The following CABIN1 variants were observed in gnomAD, a reference collection of about 807,000 sequenced individuals.
CABIN1 encodes the protein calcineurin binding protein 1.
In CABIN1, 133 loss-of-function variants were observed where a neutral mutation model predicts 227.7. The observed-to-expected ratio is 0.58, with a 90% CI of 0.51 to 0.67. The LOEUF (loss-of-function observed/expected upper bound fraction) is 0.67, where lower values mean the gene tolerates loss of function less well. Among genes scored for constraint, CABIN1 ranks in the 30% least tolerant of loss-of-function variants. CABIN1 has a pLI of 0.00. For synonymous variants in CABIN1, 1,086 were observed against 1,155.1 expected (o/e 0.94, Z 1.21); for missense variants, 2,408 against 2,852.5 (o/e 0.84, Z 3.55).
intron 1 of CABIN1, among the ~76,000 whole-genome samples, chr22:24,020,938 CTG>C (rs2035678024): frequency 6.6e-6 from 1 of 151,896 alleles, no homozygotes; most frequent in African/African-American, 2.4e-5. Context: ...ATCATCTCCT[CTG>C]TTATGTTGTT....
At chr22:24,101,040 G>A (rs1464643423) in intron 26 of CABIN1, among the ~76,000 whole-genome samples, 1 of 152,204 alleles carries the variant, frequency 6.6e-6, no homozygotes, top group Non-Finnish European at 1.5e-5. Flanking sequence ...CACAAGAGGT[G>A]GAGGTAGTGT....
chr22:24,020,836 T>G (rs199839616), intron 1 of CABIN1, among the ~76,000 whole-genome samples: 14 of 137,028 alleles, frequency 1.0e-4, no homozygotes, highest in African/African-American at 2.8e-4. Context: ...TGAGCAGTTT[T>G]TGTGTGTGTG....
Position 24,049,093 on chromosome 22 carries a change from T to A in CABIN1, c.529T>A (p.Cys177Ser), listed in dbSNP as rs201352018. 1 of 1,613,986 alleles carries A rather than the reference T, an allele frequency of 6.2e-7. No individual in the cohort carries two copies. The highest frequency in any genetic ancestry group is 1.3e-5 in the African/African-American group (1 of 75,036). ...VLYTLSDYTT[C>S]LYFICKALEK... ...TAAACTGTCTCTTTCCCCGCCAGCA[T>A]GTCTGTACTTCATCTGCAAAGCTTT... The change falls in exon 7 of 37, where the codon TGT becomes AGT. Residue 177 changes from cysteine to serine, a missense_variant and splice_region_variant. Cys to Ser is a moderately radical substitution (Grantham distance 112). Around this residue, in one of 3 missense-constraint regions of CABIN1, gnomAD observed 1,045 missense variants for 1,168.4 expected, o/e 0.89. Transcript: ENST00000263119.
Position 24,063,166 on chromosome 22 carries a change from G to T in CABIN1, c.1884+20G>T. On this transcript the variant is annotated intron_variant, in intron 14 of 36. Coordinates refer to ENST00000263119, the MANE Select transcript of CABIN1 (RefSeq NM_012295.4). ...CTGCAGGTTAGTTCCATGGTCAGCTGCTTGGGGAGCATGCCCTGACACCCA... is the reference window on the plus strand; with the variant it reads ...CTGCAGGTTAGTTCCATGGTCAGCTTCTTGGGGAGCATGCCCTGACACCCA... 2 of 1,613,006 alleles carry T rather than the reference G, an allele frequency of 1.2e-6. No individual in the cohort carries two copies. The highest frequency in any genetic ancestry group is 1.7e-6 in the Non-Finnish European group (2 of 1,179,094).
intron 4 of CABIN1, among the ~76,000 whole-genome samples, chr22:24,039,385 T>C (rs1601729933): frequency 6.6e-6 from 1 of 152,190 alleles, no homozygotes; most frequent in South Asian, 2.1e-4. Flanking sequence ...CTGTTCCTTC[T>C]CTCACCCACG....
chr22:24,081,269 C>T (rs2040788566), intron 19 of CABIN1, among the ~76,000 whole-genome samples: 1 of 152,108 alleles, frequency 6.6e-6, no homozygotes, highest in African/African-American at 2.4e-5. Context: ...TGGTTTGCCA[C>T]CTGTGGTCTA....
chr22:24,093,929 C>T (rs980915159), intron 24 of CABIN1, among the ~76,000 whole-genome samples: 1 of 152,144 alleles, frequency 6.6e-6, no homozygotes, highest in African/African-American at 2.4e-5. Context: ...TCACTGGGCT[C>T]ATGGAGAAGT....
Position 24,084,714 on chromosome 22 carries a change from G to A in CABIN1, c.3046G>A (p.Val1016Met). 1 of 1,614,180 alleles carries A rather than the reference G, an allele frequency of 6.2e-7. No homozygotes were observed. The highest frequency in any genetic ancestry group is 8.5e-7 in the Non-Finnish European group (1 of 1,180,044). The change falls in exon 21 of 37, where the codon GTG (valine) becomes ATG (methionine). Residue 1016 changes from valine (V) to methionine (M), a missense_variant. Physicochemically the swap from Val to Met is conservative, Grantham distance 21. Coordinates refer to ENST00000263119, the MANE Select transcript of CABIN1 (RefSeq NM_012295.4). Reference sequence around the variant, plus strand: ...CCTACTGAAGAGAATTGCCACCATTGTGCCTCGCACAGAGAGGCCAGCCCT... The same window carrying A: ...CCTACTGAAGAGAATTGCCACCATTATGCCTCGCACAGAGAGGCCAGCCCT... ...ANLLKRIATI[V>M]PRTERPALSL...
intron 29 of CABIN1, among the ~76,000 whole-genome samples, chr22:24,145,011 TG>T (rs2045015975): frequency 6.6e-6 from 1 of 152,184 alleles, no homozygotes; most frequent in Non-Finnish European, 1.5e-5. Context: ...AGGACATGCC[TG>T]TGAAGGACAG....
At chr22:24,160,746 A>G (rs1011510369) in intron 29 of CABIN1, among the ~76,000 whole-genome samples, 5 of 152,240 alleles carry the variant, frequency 3.3e-5, no homozygotes, top group African/African-American at 4.8e-5. Flanking sequence ...GCAGTGTTCT[A>G]TAACTTCAGG....
chr22:24,031,155 A>G (rs1375788107), intron 1 of CABIN1, among the ~76,000 whole-genome samples: 1 of 152,154 alleles, frequency 6.6e-6, no homozygotes, highest in Non-Finnish European at 1.5e-5. Context: ...AGGAGGATCC[A>G]GTTGGCATCT....
intron 26 of CABIN1, among the ~76,000 whole-genome samples, chr22:24,109,731 C>T (rs71318952): frequency 0.018 from 2,795 of 152,200 alleles, 35 homozygotes; most frequent in Middle Eastern, 0.031. Context: ...TATGTGGTTG[C>T]AGTTTTTAGG....
rs544266591 is a variant in CABIN1, at chr22:24,036,145, C to T, written c.60C>T (p.Ser20=). ...SSTIEDDHEG[S]FKSHKTQTKE... is the part of the protein sequence containing the mutation. The stretch of plus-strand genomic sequence containing the variant: ...CCATTGAGGATGATCATGAAGGAAG[C>T]TTTAAAAGTCACAAAACCCAGACAA... Residue 20 remains serine, a synonymous_variant, in exon 3 of 37, where the codon AGC becomes AGT. Transcript: ENST00000263119. The T allele has an allele frequency of 6.2e-7, 1 of 1,613,776 alleles. No individual in the cohort carries two copies. The highest frequency in any genetic ancestry group is 1.1e-5 in the South Asian group (1 of 91,072).
intron 29 of CABIN1, among the ~76,000 whole-genome samples, chr22:24,156,833 T>G (rs952777838): frequency 2.0e-5 from 3 of 152,220 alleles, no homozygotes; most frequent in South Asian, 2.1e-4. Flanking sequence ...CACTTGGTTG[T>G]TTGTCGTTTC....
In CABIN1 at chr22:24,168,497, T is replaced by G; in HGVS notation, c.5733T>G (p.His1911Gln). 1 of 1,564,228 alleles carries G rather than the reference T, an allele frequency of 6.4e-7. No homozygotes were observed. Among genetic ancestry groups the G allele is most frequent in the Non-Finnish European group, 8.7e-7 (1 of 1,154,128 alleles). The change falls in exon 33 of 37, where the codon CAT (histidine) becomes CAG (glutamine). Residue 1911 changes from histidine (H) to glutamine (Q), a missense_variant. Physicochemically the swap from His to Gln is conservative, Grantham distance 24 (BLOSUM62 0). Transcript: ENST00000263119. ...AGGCTGTGAAGTTCTGCCAGGTCCATCTTGGGGCTGCCGCCCAGAGACAGG... is the reference window on the plus strand; with the variant it reads ...AGGCTGTGAAGTTCTGCCAGGTCCAGCTTGGGGCTGCCGCCCAGAGACAGG... ...LEQAVKFCQVHLGAAAQRQAS... is the reference protein window; with the variant it reads ...LEQAVKFCQVQLGAAAQRQAS...
intron 8 of CABIN1, 101 bp from the exon 9 acceptor site, chr22:24,054,772 G>A (rs1031000840): frequency 2.1e-6 from 3 of 1,457,536 alleles, no homozygotes; most frequent in Non-Finnish European, 2.9e-6. Flanking sequence ...GCAGCTCCAG[G>A]AGCAGCTCTG....
chr22:24,027,828 T>C (rs1035753902), intron 1 of CABIN1, among the ~76,000 whole-genome samples: 1 of 152,242 alleles, frequency 6.6e-6, no homozygotes, highest in Non-Finnish European at 1.5e-5. Flanking sequence ...TGTGAGCCAA[T>C]ACATTACTGT....
rs1186779220 is a variant in CABIN1 at position 24,070,940 on chromosome 22, G to C, written c.2373G>C (p.Leu791=). The C allele has an allele frequency of 6.2e-7, 1 of 1,614,108 alleles. No homozygotes were observed. The highest frequency in any genetic ancestry group is 1.3e-5 in the African/African-American group (1 of 74,940). Residue 791 remains leucine (L), a synonymous_variant, in exon 17 of 37, where the codon CTG becomes CTC. Transcript: ENST00000263119. ...EEWVATVTQL[L]MGIEQALSAD... is the part of the protein sequence containing the mutation. ...GGGTGGCCACAGTGACCCAACTGCT[G>C]ATGGGCATCGAGCAGGCCCTCTCTG...
At chr22:24,082,009 G>C (rs192064508) in intron 19 of CABIN1, among the ~76,000 whole-genome samples, 1 of 152,060 alleles carries the variant, frequency 6.6e-6, no homozygotes, top group South Asian at 2.1e-4. Flanking sequence ...CCTGGGCGAC[G>C]GAGCGAGACT....
Sources: gnomAD v4.1 joint callset for allele counts (sites outside exome capture counted in the v4.1 genomes callset) on GRCh38, gnomAD v4.1.1 for gene constraint, gnomAD v4.1.1 regional missense constraint, MANE v1.5 for transcripts, NCBI Gene and HGNC (gene_info 2026-07-23, HGNC 2026-07-21) for gene names.